The following MOB3B variants were observed in gnomAD, a reference collection of about 807,000 sequenced individuals.
The protein encoded by MOB3B is MOB kinase activator 3B.
A neutral mutation model predicts 18.7 loss-of-function variants in MOB3B; 7 were observed. The ratio of observed to expected loss-of-function variants is 0.37; its 90% CI spans 0.21 to 0.70. The LOEUF (loss-of-function observed/expected upper bound fraction) is 0.70. Among genes scored for constraint, MOB3B ranks in the 30% least tolerant of loss-of-function variants. The pLI is 0.52. For missense variants in MOB3B, 253 were observed against 281.3 expected, an observed-to-expected ratio of 0.90 and a Z score of 0.72; for synonymous variants, 111 against 99.9, an observed-to-expected ratio of 1.11 and a Z score of -0.66.
intron 2 of MOB3B, among the ~76,000 whole-genome samples, chr9:27,425,247 C>T (rs10812594): frequency 0.54 from 81,297 of 151,612 alleles, 22,297 homozygotes; most frequent in Non-Finnish European, 0.58. Flanking sequence ...TGATGGAGCA[C>T]GCCTGCAATC....
At chr9:27,344,001 T>C (rs550523865) in intron 3 of MOB3B, among the ~76,000 whole-genome samples, 1 of 152,120 alleles carries the variant, frequency 6.6e-6, no homozygotes, top group South Asian at 2.1e-4. Flanking sequence ...AATGGTTGCA[T>C]GACAATGTGA....
At chr9:27,448,372 T>C (rs941121377) in intron 2 of MOB3B, among the ~76,000 whole-genome samples, 1 of 152,164 alleles carries the variant, frequency 6.6e-6, no homozygotes, top group South Asian at 2.1e-4. Flanking sequence ...GGGTAACTTA[T>C]AAAGAAAAAG....
At chr9:27,406,841 T>C (rs972754035) in intron 2 of MOB3B, among the ~76,000 whole-genome samples, 24 of 152,210 alleles carry the variant, frequency 1.6e-4, no homozygotes, top group African/African-American at 5.8e-4. Flanking sequence ...AGATTTCTTT[T>C]TTTCTTTTTT....
chr9:27,358,055 C>A (rs1363324205), intron 3 of MOB3B, among the ~76,000 whole-genome samples: 1 of 151,736 alleles, frequency 6.6e-6, no homozygotes, highest in Non-Finnish European at 1.5e-5. Flanking sequence ...CAGAGTGAGA[C>A]CCTGTCTCAA....
chr9:27,347,753 C>G (rs1053825264), intron 3 of MOB3B, among the ~76,000 whole-genome samples: 1 of 152,216 alleles, frequency 6.6e-6, no homozygotes, highest in Non-Finnish European at 1.5e-5. Context: ...TGTATTTTTA[C>G]TGTACTGTTT....
At chr9:27,463,398 C>G (rs1399733315) in intron 1 of MOB3B, among the ~76,000 whole-genome samples, 1 of 152,072 alleles carries the variant, frequency 6.6e-6, no homozygotes, top group East Asian at 1.9e-4. Context: ...TTACCACCTA[C>G]TTAAAAGTGC....
chr9:27,404,347 C>CTTTTTTTTTTTTTTTTTTTTTTT (rs756275032), intron 2 of MOB3B, among the ~76,000 whole-genome samples: 1 of 75,174 alleles, frequency 1.3e-5, no homozygotes, highest in Non-Finnish European at 2.4e-5. Flanking sequence ...TTCTTTCTTT[C>CTTTTTTTTTTTTTTTTTTTTTTT]TTTTTTTTTT....
intron 2 of MOB3B, among the ~76,000 whole-genome samples, chr9:27,384,545 G>T (rs1332638021): frequency 6.6e-6 from 1 of 152,144 alleles, no homozygotes; most frequent in Non-Finnish European, 1.5e-5. Context: ...TAAAACAATT[G>T]TTCCAGAATT....
chr9:27,357,782 T>G (rs1821212784), intron 3 of MOB3B, among the ~76,000 whole-genome samples: 1 of 149,992 alleles, frequency 6.7e-6, no homozygotes. Flanking sequence ...CCAGGCATGG[T>G]GGCTCACACC....
intron 2 of MOB3B, among the ~76,000 whole-genome samples, chr9:27,440,397 T>C (rs1026753672): frequency 1.3e-5 from 2 of 151,674 alleles, no homozygotes; most frequent in Non-Finnish European, 2.9e-5. Flanking sequence ...TTTTTTTCCA[T>C]AATAGCTACC....
chr9:27,330,561 T>C lies in MOB3B; in HGVS notation c.*26A>G. ...GGGCACCAGGAGGAAACAGCTTTCCTTTCTTCCAAAGGGTGAGGTGGAGCA... is the reference window on the plus strand; with the variant it reads ...GGGCACCAGGAGGAAACAGCTTTCCCTTCTTCCAAAGGGTGAGGTGGAGCA... On this transcript the variant is annotated 3_prime_UTR_variant, in exon 4 of 4. Coordinates refer to ENST00000262244, the MANE Select transcript of MOB3B (RefSeq NM_024761.5). 1 of 1,613,762 alleles carries C rather than the reference T, an allele frequency of 6.2e-7. No homozygotes were observed. The highest frequency in any genetic ancestry group is 1.1e-5 in the South Asian group (1 of 90,926).
chr9:27,398,170 T>C (rs1019668559), intron 2 of MOB3B, among the ~76,000 whole-genome samples: 16 of 152,198 alleles, frequency 1.1e-4, no homozygotes, highest in African/African-American at 3.9e-4. Context: ...TTATCTTCAT[T>C]TCATTGTGGA....
chr9:27,520,364 A>G (rs1000748307), intron 1 of MOB3B, among the ~76,000 whole-genome samples: 1 of 152,264 alleles, frequency 6.6e-6, no homozygotes, highest in Non-Finnish European at 1.5e-5. Flanking sequence ...TGCCAGGGAA[A>G]TAAGAACAGA....
At chr9:27,508,568 T>A (rs1820092829) in intron 1 of MOB3B, among the ~76,000 whole-genome samples, 1 of 152,092 alleles carries the variant, frequency 6.6e-6, no homozygotes, top group Admixed American at 6.5e-5. Context: ...TGAAGGCTAT[T>A]TTTCTAAAAC....
At chr9:27,480,877 A>G (rs1005528695) in intron 1 of MOB3B, among the ~76,000 whole-genome samples, 7 of 152,218 alleles carry the variant, frequency 4.6e-5, no homozygotes, top group Non-Finnish European at 8.8e-5. Context: ...AGAAAATGAT[A>G]AATATATAAG....
At chr9:27,445,518 A>C (rs1018592604) in intron 2 of MOB3B, among the ~76,000 whole-genome samples, 1 of 152,114 alleles carries the variant, frequency 6.6e-6, no homozygotes, top group Non-Finnish European at 1.5e-5. Context: ...TCGTTGACAC[A>C]TTTGCTCACA....
At chr9:27,346,176 C>G (rs1213722525) in intron 3 of MOB3B, among the ~76,000 whole-genome samples, 1 of 152,230 alleles carries the variant, frequency 6.6e-6, no homozygotes, top group East Asian at 1.9e-4. Flanking sequence ...CACCATCTTT[C>G]AGGCAGAGAG....
intron 3 of MOB3B, among the ~76,000 whole-genome samples, chr9:27,343,124 G>A (rs1820977077): frequency 6.6e-6 from 1 of 151,884 alleles, no homozygotes; most frequent in African/African-American, 2.4e-5. Context: ...ATTTTGTTCT[G>A]TACTAAGAAA....
chr9:27,462,627 C>T (rs945671610), intron 1 of MOB3B, among the ~76,000 whole-genome samples: 4 of 152,160 alleles, frequency 2.6e-5, no homozygotes, highest in African/African-American at 9.7e-5. Context: ...TTGTCAGTTA[C>T]CCTTTCTTTT....
Sources: allele counts gnomAD v4.1 joint callset (sites outside exome capture counted in the v4.1 genomes callset), GRCh38; gene constraint gnomAD v4.1.1; transcripts MANE v1.5; gene names NCBI Gene and HGNC (gene_info 2026-07-23, HGNC 2026-07-21).